Variants in SLC35F4 observed in about 807,000 individuals in gnomAD.
SLC35F4 encodes chromosome 14 open reading frame 36.
A neutral mutation model predicts 44.2 loss-of-function variants in SLC35F4; 24 were observed. That is an observed-to-expected ratio of 0.54 (90% CI 0.39 to 0.76). SLC35F4 has a LOEUF of 0.76. Ranked by LOEUF, SLC35F4 falls within the 30% of genes least tolerant of loss-of-function variation. The pLI, the probability that SLC35F4 is intolerant of heterozygous loss-of-function variation, is 0.00. For missense variants in SLC35F4, 562 were observed against 586.1 expected, an observed-to-expected ratio of 0.96 and a Z score of 0.42; for synonymous variants, 238 against 223.6, an observed-to-expected ratio of 1.06 and a Z score of -0.57.
intron 1 of SLC35F4, among the ~76,000 whole-genome samples, chr14:57,943,887 T>C (rs12433801): frequency 0.11 from 16,462 of 152,244 alleles, 1,143 homozygotes; most frequent in Non-Finnish European, 0.15. Context: ...TGGGAGTGAA[T>C]TGGCAGGGCT....
chr14:57,870,652 T>C (rs1404521018), upstream of SLC35F4, among the ~76,000 whole-genome samples: 3 of 152,214 alleles, frequency 2.0e-5, no homozygotes, highest in Admixed American at 2.0e-4. Context: ...ATTGCTGTGA[T>C]GGTTAAGTGA....
chr14:57,832,214 G>A (rs778635802), intron 1 of SLC35F4, among the ~76,000 whole-genome samples: 5 of 142,518 alleles, frequency 3.5e-5, no homozygotes, highest in Non-Finnish European at 3.1e-5. Context: ...ATCACTTGAC[G>A]TTGCCTTAGC....
At chr14:57,866,125 C>T (rs1373550955), upstream of SLC35F4, 3 of 186,434 alleles carry the variant, frequency 1.6e-5, no homozygotes, top group African/African-American at 7.1e-5. Context: ...CCACCGTGGC[C>T]GGGGGCGGGT....
At chr14:57,921,611 G>A (rs550593823) in intron 1 of SLC35F4, among the ~76,000 whole-genome samples, 2 of 152,276 alleles carry the variant, frequency 1.3e-5, no homozygotes, top group East Asian at 3.9e-4. Context: ...GTGTCAGCAG[G>A]ATTGGTTCCT....
intron 1 of SLC35F4, among the ~76,000 whole-genome samples, chr14:57,683,462 C>CCCA (rs72531477): frequency 1.4e-4 from 21 of 152,198 alleles, no homozygotes; most frequent in Non-Finnish European, 2.5e-4. Context: ...CGCCTTTTCC[C>CCCA]CTTCAATCAT....
Position 57,679,231 on chromosome 14 carries a change from C to T in SLC35F4, c.104-85107G>A, listed in dbSNP as rs138416779. ...CAGTATTAAGAAACTCACTCAAAAC[C>T]GCACAACTACACGGAAACCGAACAA... is the stretch of plus-strand genomic sequence containing the variant. On this transcript the variant is annotated intron_variant, in intron 1 of 7. Coordinates refer to ENST00000556826, the MANE Select transcript of SLC35F4 (RefSeq NM_001306087.2). Among the ~76,000 whole-genome samples, 316 of 152,134 alleles carry T rather than the reference C, an allele frequency of 2.1e-3. 5 individuals are homozygous for T. The highest frequency in any genetic ancestry group is 7.3e-3 in the African/African-American group (302 of 41,456).
intron 1 of SLC35F4, among the ~76,000 whole-genome samples, chr14:57,627,611 C>G (rs1171420684): frequency 6.6e-6 from 1 of 152,116 alleles, no homozygotes; most frequent in Non-Finnish European, 1.5e-5. Flanking sequence ...CAGATGATCA[C>G]AGTCTCTTAG....
At chr14:57,832,853 TC>T (rs1240425509) in intron 1 of SLC35F4, among the ~76,000 whole-genome samples, 6 of 152,220 alleles carry the variant, frequency 3.9e-5, no homozygotes, top group African/African-American at 1.4e-4. Flanking sequence ...AAAAATTTTT[TC>T]ACATTACAGT....
chr14:57,710,972 C>A (rs1402797509), intron 1 of SLC35F4, among the ~76,000 whole-genome samples: 1 of 152,002 alleles, frequency 6.6e-6, no homozygotes, highest in Non-Finnish European at 1.5e-5. Flanking sequence ...GTTGGGAAGG[C>A]ATGATTGTGT....
At chr14:57,909,406 C>CA (rs1889171662) in intron 1 of SLC35F4, among the ~76,000 whole-genome samples, 1 of 151,900 alleles carries the variant, frequency 6.6e-6, no homozygotes, top group Non-Finnish European at 1.5e-5. Flanking sequence ...TGATACTAAA[C>CA]AGTTTCATAG....
At chr14:57,715,753 G>A (rs1290827896) in intron 1 of SLC35F4, among the ~76,000 whole-genome samples, 1 of 152,194 alleles carries the variant, frequency 6.6e-6, no homozygotes, top group Non-Finnish European at 1.5e-5. Context: ...GACTGGGAAG[G>A]GAGGATATGA....
intron 1 of SLC35F4, among the ~76,000 whole-genome samples, chr14:57,819,443 A>C (rs1370625837): frequency 6.6e-6 from 1 of 151,886 alleles, no homozygotes; most frequent in African/African-American, 2.4e-5. Context: ...GAAATTTGAT[A>C]AGTTGATTCC....
chr14:57,936,761 G>T (rs1889803846), intron 1 of SLC35F4, among the ~76,000 whole-genome samples: 1 of 152,346 alleles, frequency 6.6e-6, no homozygotes, highest in Non-Finnish European at 1.5e-5. Context: ...GGATGACTAG[G>T]GGAGGAGTTG....
intron 1 of SLC35F4, among the ~76,000 whole-genome samples, chr14:57,909,403 A>T (rs1889171539): frequency 6.6e-6 from 1 of 152,072 alleles, no homozygotes; most frequent in Non-Finnish European, 1.5e-5. Flanking sequence ...ATATGATACT[A>T]AACAGTTTCA....
intron 1 of SLC35F4, chr14:57,630,830 A>G: frequency 2.8e-6 from 2 of 717,608 alleles, no homozygotes; most frequent in Non-Finnish European, 3.6e-6. Flanking sequence ...AATGATCATA[A>G]TCAAAATGAT....
intron 1 of SLC35F4, among the ~76,000 whole-genome samples, chr14:57,643,951 C>A (rs1356498792): frequency 6.6e-6 from 1 of 152,118 alleles, no homozygotes; most frequent in Non-Finnish European, 1.5e-5. Context: ...ATGAACTCAT[C>A]CTTGTTTATG....
At chr14:57,580,342 C>T (rs959161148) in intron 4 of SLC35F4, 1 of 165,002 alleles carries the variant, frequency 6.1e-6, no homozygotes, top group African/African-American at 2.4e-5. Context: ...GTTTTTATAA[C>T]AAAATATGTT....
At chr14:57,711,802 A>G (rs1459592660) in intron 1 of SLC35F4, among the ~76,000 whole-genome samples, 1 of 152,230 alleles carries the variant, frequency 6.6e-6, no homozygotes, top group Non-Finnish European at 1.5e-5. Flanking sequence ...GCACTACTGT[A>G]AGATCAAACA....
intron 1 of SLC35F4, among the ~76,000 whole-genome samples, chr14:57,767,421 T>C (rs1289402452): frequency 6.6e-6 from 1 of 152,158 alleles, no homozygotes; most frequent in Admixed American, 6.5e-5. Flanking sequence ...TCTCTAAATA[T>C]GTGGACATTA....
Sources: gnomAD v4.1 joint callset for allele counts (sites outside exome capture counted in the v4.1 genomes callset) on GRCh38, gnomAD v4.1.1 for gene constraint, MANE v1.5 for transcripts, NCBI Gene and HGNC (gene_info 2026-07-23, HGNC 2026-07-21) for gene names.